The following BCL2L1 variants were observed in gnomAD, a reference collection of about 807,000 sequenced individuals.
The protein encoded by BCL2L1 is bcl-2-like protein 1.
Under a neutral mutation model 18.7 loss-of-function variants are expected in BCL2L1, and 1 was observed. The ratio of observed to expected loss-of-function variants is 0.05; its 90% CI spans 0.02 to 0.25. The LOEUF (loss-of-function observed/expected upper bound fraction) is 0.25, where lower values mean the gene tolerates loss of function less well. Ranked by LOEUF, BCL2L1 falls within the 10% of genes least tolerant of loss-of-function variation. The probability of loss-of-function intolerance (pLI) is 1.00; values close to 1 mark genes in which losing one functional copy is unlikely to be tolerated. For missense variants in BCL2L1, 207 were observed against 304.9 expected, an observed-to-expected ratio of 0.68 and a Z score of 2.39; for synonymous variants, 103 against 122.7, an observed-to-expected ratio of 0.84 and a Z score of 1.06.
In BCL2L1 at chr20:31,719,689, T is replaced by C. The variant is rs560734973; in HGVS notation, c.564+1966A>G. On this transcript the variant is annotated intron_variant, in intron 2 of 2. Coordinates refer to ENST00000307677, the MANE Select transcript of BCL2L1 (RefSeq NM_138578.3). ...GGAGATCTAATAAACTTACCCAGAG[T>C]TGCTGTGTCTAAGACCTCTTTCATA... is the stretch of plus-strand genomic sequence containing the variant. 4.6e-5 allele frequency among the ~76,000 whole-genome samples: 7 copies of C among 152,152 alleles called. No homozygotes were observed. In the East Asian group the frequency reaches 7.7e-4, roughly 17 times the overall value.
intron 2 of BCL2L1, among the ~76,000 whole-genome samples, chr20:31,707,880 G>A (rs2061394362): frequency 6.6e-6 from 1 of 152,074 alleles, no homozygotes; most frequent in East Asian, 1.9e-4. Context: ...TATTTGCCAA[G>A]GATAACTATT....
rs2122879305 is a variant in BCL2L1, at chr20:31,722,079, G to A, written c.140C>T (p.Thr47Ile). The change falls in exon 2 of 3, where the codon ACC becomes ATC. Residue 47 changes from threonine (T) to isoleucine (I), a missense_variant. Coordinates refer to ENST00000307677, the MANE Select transcript of BCL2L1 (RefSeq NM_138578.3). Reference protein sequence around the residue: ...APEGTESEMETPSAINGNPSW... With the variant: ...APEGTESEMEIPSAINGNPSW... ...TGGGTTGCCATTGATGGCACTGGGG[G>A]TCTCCATCTCCGATTCAGTCCCTTC... 6.3e-7 allele frequency: 1 copy of A among 1,595,340 alleles called. No homozygotes were observed. Among genetic ancestry groups the A allele is most frequent in the Non-Finnish European group, 8.5e-7 (1 of 1,170,326 alleles).
chr20:31,715,559 C>T lies in BCL2L1; in HGVS notation c.564+6096G>A, dbSNP rs866958124. 3.9e-5 allele frequency among the ~76,000 whole-genome samples: 6 copies of T among 152,130 alleles called. No homozygotes were observed. The South Asian group carries it at 8.3e-4, about 21-fold the overall frequency. On this transcript the variant is annotated intron_variant, in intron 2 of 2. Coordinates refer to ENST00000307677, the MANE Select transcript of BCL2L1 (RefSeq NM_138578.3). ...TCATCCACCTCCTTACCTCATTTAG[C>T]GCTTGGCTCAAATAAATTTAGGTAA...
intron 2 of BCL2L1, among the ~76,000 whole-genome samples, chr20:31,689,632 T>C (rs1304639252): frequency 6.6e-6 from 1 of 152,172 alleles, no homozygotes; most frequent in Non-Finnish European, 1.5e-5. Flanking sequence ...GTCTCTTCCA[T>C]GCCTGCTAAG....
chr20:31,703,943 C>T (rs1221539781), intron 2 of BCL2L1, among the ~76,000 whole-genome samples: 2 of 145,652 alleles, frequency 1.4e-5, no homozygotes, highest in Admixed American at 6.9e-5. Flanking sequence ...GACTATAGGC[C>T]CACGCCACCA....
Position 31,722,355 on chromosome 20 carries a change from G to GA in BCL2L1, c.-130-8dup, listed in dbSNP as rs907379755. 664 of 597,986 alleles carry GA rather than the reference G, an allele frequency of 1.1e-3. 1 individual carries two copies. The highest frequency in any genetic ancestry group is 2.0e-3 in the Middle Eastern group (4 of 1,988). 37.0% of individuals were successfully genotyped at this position (597,986 alleles called of 1,614,324 possible). On this transcript the variant is annotated splice_polypyrimidine_tract_variant and splice_region_variant and intron_variant, in intron 1 of 2. Transcript: ENST00000307677. ...TCTGAAGGGAGAGAAAGAGCTTCAG[G>GA]AAAAAAAAATAATTAATATGCATGC...
intron 2 of BCL2L1, among the ~76,000 whole-genome samples, chr20:31,674,902 A>G (rs1472765936): frequency 6.7e-6 from 1 of 149,100 alleles, no homozygotes; most frequent in African/African-American, 2.5e-5. Flanking sequence ...AAGGGAAGCC[A>G]TTTTTAAGCC....
At chr20:31,709,950 T>G (rs1173030172) in intron 2 of BCL2L1, among the ~76,000 whole-genome samples, 1 of 151,476 alleles carries the variant, frequency 6.6e-6, no homozygotes, top group Non-Finnish European at 1.5e-5. Flanking sequence ...TCTCCCAAAG[T>G]GCTGAGGTTA....
chr20:31,677,707 A>G (rs2060786338), intron 2 of BCL2L1, among the ~76,000 whole-genome samples: 1 of 152,048 alleles, frequency 6.6e-6, no homozygotes, highest in South Asian at 2.1e-4. Flanking sequence ...CATTCCTCAC[A>G]TGCCATGTTC....
chr20:31,682,158 T>A (rs1011916366), intron 2 of BCL2L1, among the ~76,000 whole-genome samples: 5 of 152,228 alleles, frequency 3.3e-5, no homozygotes, highest in Admixed American at 6.5e-5. Flanking sequence ...AATGAATGAA[T>A]AAATAAATAA....
intron 2 of BCL2L1, among the ~76,000 whole-genome samples, chr20:31,685,355 G>T (rs552713642): frequency 1.3e-5 from 2 of 151,196 alleles, no homozygotes; most frequent in Non-Finnish European, 2.9e-5. Context: ...AGCTGAGATC[G>T]TGCCACTGCA....
intron 2 of BCL2L1, among the ~76,000 whole-genome samples, chr20:31,690,794 G>GA (rs1257931109): frequency 6.6e-6 from 1 of 151,202 alleles, no homozygotes; most frequent in Non-Finnish European, 1.5e-5. Flanking sequence ...AGTTAAAAAA[G>GA]AAAAAAGGAA....
chr20:31,704,389 C>G (rs147780367), intron 2 of BCL2L1, among the ~76,000 whole-genome samples: 160 of 152,168 alleles, frequency 1.1e-3, no homozygotes, highest in African/African-American at 3.6e-3. Context: ...CATGAGCCAC[C>G]GCGCCCAGCC....
Position 31,710,436 on chromosome 20 carries a change from G to T in BCL2L1, c.564+11219C>A, listed in dbSNP as rs116051287. 5.1e-3 allele frequency among the ~76,000 whole-genome samples: 783 copies of T among 152,332 alleles called. 6 individuals are homozygous for T. The highest frequency in any genetic ancestry group is 0.017 in the African/African-American group (714 of 41,570). Reference sequence around the variant, plus strand: ...TCCATTTACAGACCGGGAAACTGAGGCCTCAGTGGAAATTGTACAAAGCTA... The same window carrying T: ...TCCATTTACAGACCGGGAAACTGAGTCCTCAGTGGAAATTGTACAAAGCTA... On this transcript the variant is annotated intron_variant, in intron 2 of 2. Coordinates refer to ENST00000307677, the MANE Select transcript of BCL2L1 (RefSeq NM_138578.3).
chr20:31,677,214 C>T (rs2060779093), intron 2 of BCL2L1, among the ~76,000 whole-genome samples: 2 of 146,610 alleles, frequency 1.4e-5, no homozygotes, highest in Admixed American at 1.4e-4. Context: ...CAGAGTCTCA[C>T]TCTGTCGCCC....
chr20:31,709,454 C>T (rs138628275), intron 2 of BCL2L1, among the ~76,000 whole-genome samples: 23 of 152,132 alleles, frequency 1.5e-4, no homozygotes, highest in African/African-American at 5.3e-4. Flanking sequence ...CTCCATTTCC[C>T]GGCCTCAAGT....
At chr20:31,682,141 C>G (rs1286064920) in intron 2 of BCL2L1, among the ~76,000 whole-genome samples, 1 of 152,210 alleles carries the variant, frequency 6.6e-6, no homozygotes, top group Admixed American at 6.5e-5. Flanking sequence ...GACTGACTGA[C>G]TGAGTGAATG....
At chr20:31,682,145 G>GTGAA (rs2060875344) in intron 2 of BCL2L1, among the ~76,000 whole-genome samples, 1 of 152,242 alleles carries the variant, frequency 6.6e-6, no homozygotes, top group African/African-American at 2.4e-5. Context: ...GACTGACTGA[G>GTGAA]TGAATGAATG....
chr20:31,703,561 G>A (rs1193703890), intron 2 of BCL2L1, among the ~76,000 whole-genome samples: 14 of 150,338 alleles, frequency 9.3e-5, no homozygotes, highest in Non-Finnish European at 1.8e-4. Flanking sequence ...GTGCAATCTC[G>A]GCTCACTGCA....
Sources: allele counts gnomAD v4.1 joint callset (sites outside exome capture counted in the v4.1 genomes callset), GRCh38; gene constraint gnomAD v4.1.1; transcripts MANE v1.5; gene names NCBI Gene and HGNC (gene_info 2026-07-23, HGNC 2026-07-21).